MYO3A: variants seen among roughly 807,000 people sequenced by gnomAD.
MYO3A encodes myosin-IIIa.
In MYO3A, 180 loss-of-function variants were observed where a neutral mutation model predicts 192.7. That is an observed-to-expected ratio of 0.93 (90% CI 0.83 to 1.06). The LOEUF is 1.06. Ranked by LOEUF, MYO3A falls within the 50% of genes least tolerant of loss-of-function variation. The pLI is 0.00. For missense variants in MYO3A, 1,896 were observed against 1,905.0 expected (o/e 1.00, Z 0.09); for synonymous variants, 628 against 645.3 (o/e 0.97, Z 0.41).
At position 26,203,190 on chromosome 10, in the gene MYO3A, G is replaced by C. The variant is rs1399765459; in HGVS notation, c.4730+83G>C. 5.6e-6 allele frequency: 8 copies of C among 1,424,706 alleles called. No individual in the cohort carries two copies. In the East Asian group the frequency reaches 1.9e-4, roughly 34 times the overall value. 88.3% of individuals were successfully genotyped at this position (1,424,706 alleles called of 1,614,324 possible). On this transcript the variant is annotated intron_variant, in intron 34 of 34. Coordinates refer to ENST00000642920, the MANE Select transcript of MYO3A (RefSeq NM_017433.5). ...CTTAAGATATTTCACTTTATATATA[G>C]ATGAATGACAAAGCACTCTTACTGA... is the stretch of plus-strand genomic sequence containing the variant.
chr10:25,934,788 C>T (rs966178269), intron 1 of MYO3A, among the ~76,000 whole-genome samples: 7 of 144,556 alleles, frequency 4.8e-5, no homozygotes, highest in African/African-American at 1.8e-4. Flanking sequence ...GAGGAGGGAA[C>T]GTGAGGAATG....
intron 3 of MYO3A, among the ~76,000 whole-genome samples, chr10:25,953,361 G>A (rs1837331133): frequency 6.6e-6 from 1 of 151,972 alleles, no homozygotes; most frequent in Non-Finnish European, 1.5e-5. Context: ...AGAGGAGAAA[G>A]GTAGGGGAGG....
intron 10 of MYO3A, among the ~76,000 whole-genome samples, chr10:26,047,368 A>G (rs551125209): frequency 6.6e-6 from 1 of 152,382 alleles, no homozygotes; most frequent in East Asian, 1.9e-4. Context: ...GCTTTAACCT[A>G]CATTATGAAT....
chr10:25,954,375 G>T (rs1294390029), intron 3 of MYO3A, among the ~76,000 whole-genome samples: 2 of 151,976 alleles, frequency 1.3e-5, no homozygotes, highest in African/African-American at 4.8e-5. Context: ...AAGGTTTTGT[G>T]CAATCTTTTA....
At chr10:26,186,488 G>A (rs867306500) in intron 31 of MYO3A, among the ~76,000 whole-genome samples, 23 of 152,114 alleles carry the variant, frequency 1.5e-4, no homozygotes, top group African/African-American at 5.5e-4. Flanking sequence ...GGATGGTCTC[G>A]ATCTCCTGAC....
At chr10:26,072,594 G>C (rs1192892280) in intron 14 of MYO3A, among the ~76,000 whole-genome samples, 1 of 152,016 alleles carries the variant, frequency 6.6e-6, no homozygotes, top group Non-Finnish European at 1.5e-5. Flanking sequence ...TCAGTTCTTT[G>C]ATACTTTTTT....
At position 26,096,382 on chromosome 10, in the gene MYO3A, G is replaced by A; in HGVS notation, c.1564G>A (p.Gly522Arg). 3.1e-6 allele frequency: 5 copies of A among 1,601,922 alleles called. No individual in the cohort carries two copies. The highest frequency in any genetic ancestry group is 4.3e-6 in the Non-Finnish European group (5 of 1,171,082). The change falls in exon 16 of 35, where the codon GGA (glycine) becomes AGA (arginine). Residue 522 changes from glycine (G) to arginine (R), a missense_variant and splice_region_variant. By Grantham distance (125) the Gly-to-Arg change is moderately radical (BLOSUM62 -2). Coordinates refer to ENST00000642920, the MANE Select transcript of MYO3A (RefSeq NM_017433.5). The stretch of plus-strand genomic sequence containing the variant: ...TACTGTAAATATCTTTTTTTCCAGT[G>A]GAGAAAAAAATTTTCATATTTTTTA... ...EKSRVIHQAIGEKNFHIFYYI... is the reference protein window; with the variant it reads ...EKSRVIHQAIREKNFHIFYYI...
At chr10:26,025,934 C>T (rs1275013315) in intron 9 of MYO3A, among the ~76,000 whole-genome samples, 1 of 152,172 alleles carries the variant, frequency 6.6e-6, no homozygotes, top group Non-Finnish European at 1.5e-5. Context: ...AGAAACAGAT[C>T]AATTGAGAAG....
intron 2 of MYO3A, among the ~76,000 whole-genome samples, chr10:25,941,059 A>C (rs1400616025): frequency 1.3e-5 from 2 of 152,238 alleles, no homozygotes; most frequent in African/African-American, 2.4e-5. Context: ...TCAGTCAAGA[A>C]AACAGTTAAT....
At chr10:26,048,029 T>G (rs914637364) in intron 10 of MYO3A, among the ~76,000 whole-genome samples, 19 of 152,160 alleles carry the variant, frequency 1.2e-4, no homozygotes, top group Non-Finnish European at 2.6e-4. Flanking sequence ...CTATTGACAG[T>G]ACCTTACTGG....
intron 17 of MYO3A, among the ~76,000 whole-genome samples, chr10:26,112,267 G>T (rs919887046): frequency 4.6e-5 from 7 of 152,168 alleles, no homozygotes; most frequent in African/African-American, 1.7e-4. Flanking sequence ...CACAACCACT[G>T]CTAGATATTT....
chr10:25,938,867 C>T (rs1836289811), intron 2 of MYO3A, among the ~76,000 whole-genome samples: 1 of 152,064 alleles, frequency 6.6e-6, no homozygotes, highest in African/African-American at 2.4e-5. Context: ...GAAAAGAAAA[C>T]ATGCCCGTGT....
rs565278957 is a variant in MYO3A, at chr10:26,001,382, G to C, written c.508+4124G>C. Among the ~76,000 whole-genome samples the C allele has an allele frequency of 3.4e-5, 5 of 146,778 alleles. 1 individual carries two copies. In the South Asian group the frequency reaches 8.3e-4, roughly 24 times the overall value. ...AGAAGGGGTTTTTCAGAAGATAAGG[G>C]GGGTGGGTGTACAGTGAGGCACTGG... On this transcript the variant is annotated intron_variant, in intron 6 of 34. Coordinates refer to ENST00000642920, the MANE Select transcript of MYO3A (RefSeq NM_017433.5).
rs543240747 is a variant in MYO3A, at chr10:26,036,414, T to A, written c.953+9882T>A. Among the ~76,000 whole-genome samples, 8 of 152,306 alleles carry A rather than the reference T, an allele frequency of 5.3e-5. No homozygotes were observed. In the South Asian group the frequency reaches 1.0e-3, roughly 20 times the overall value. On this transcript the variant is annotated intron_variant, in intron 10 of 34. Transcript: ENST00000642920. ...AACATAGTGATGTTTTCATTTCTTT[T>A]GGAAAGAGTCTCTCATGCCTATGAC...
At chr10:26,178,000 T>A (rs1180240368) in intron 31 of MYO3A, among the ~76,000 whole-genome samples, 1 of 152,092 alleles carries the variant, frequency 6.6e-6, no homozygotes, top group African/African-American at 2.4e-5. Flanking sequence ...GCTGCTCTCC[T>A]GCTCTCTGGC....
intron 6 of MYO3A, among the ~76,000 whole-genome samples, chr10:26,008,793 G>A (rs546364996): frequency 2.6e-5 from 4 of 152,012 alleles, no homozygotes; most frequent in Non-Finnish European, 5.9e-5. Flanking sequence ...CTGTAGACTA[G>A]TTCAACCATT....
At chr10:26,027,859 A>G (rs1842626706) in intron 10 of MYO3A, among the ~76,000 whole-genome samples, 1 of 152,148 alleles carries the variant, frequency 6.6e-6, no homozygotes, top group Non-Finnish European at 1.5e-5. Flanking sequence ...TTACTCTCTC[A>G]AGTAACTGTG....
chr10:26,204,657 A>T (rs1406951267), intron 34 of MYO3A, among the ~76,000 whole-genome samples: 1 of 152,242 alleles, frequency 6.6e-6, no homozygotes, highest in Non-Finnish European at 1.5e-5. Flanking sequence ...CTAGATGATA[A>T]GTTCATGGAG....
At chr10:25,981,925 G>T (rs1474051821) in intron 4 of MYO3A, among the ~76,000 whole-genome samples, 1 of 152,166 alleles carries the variant, frequency 6.6e-6, no homozygotes, top group Non-Finnish European at 1.5e-5. Context: ...ACCTCTTCAG[G>T]TTCCCTGAGA....
Sources: allele counts gnomAD v4.1 joint callset (sites outside exome capture counted in the v4.1 genomes callset), GRCh38; gene constraint gnomAD v4.1.1; transcripts MANE v1.5; gene names NCBI Gene and HGNC (gene_info 2026-07-23, HGNC 2026-07-21).